PRR14L: variants seen among roughly 807,000 people sequenced by gnomAD.
The protein encoded by PRR14L is proline rich 14 like.
PRR14L carries 80 observed loss-of-function variants against 155.0 expected under a neutral mutation model. The observed-to-expected ratio is 0.52, with a 90% CI of 0.43 to 0.62. The LOEUF (loss-of-function observed/expected upper bound fraction) is 0.62. Among genes scored for constraint, PRR14L ranks in the 20% least tolerant of loss-of-function variants. PRR14L has a pLI of 0.00. For missense variants in PRR14L, 2,469 were observed against 2,548.0 expected (o/e 0.97, Z 0.67); for synonymous variants, 883 against 916.0 (o/e 0.96, Z 0.65).
At chr22:31,731,565 CAAAAAA>C (rs55727852) in intron 2 of PRR14L, among the ~76,000 whole-genome samples, 1,194 of 49,120 alleles carry the variant, frequency 0.024, 7 homozygotes, top group Middle Eastern at 0.043. Flanking sequence ...GAGACTGTCT[CAAAAAA>C]AAAAAAAAAA....
chr22:31,714,828 G>C lies in PRR14L; in HGVS notation c.3011C>G (p.Pro1004Arg). Reference protein sequence around the residue: ...SSDQRETVTEPHGEVNHNQKD... With the variant: ...SSDQRETVTERHGEVNHNQKD... Reference sequence around the variant, plus strand: ...TTGGTTGTGGTTTACCTCCCCGTGAGGCTCGGTGACAGTCTCTCTCTGGTC... The same window carrying C: ...TTGGTTGTGGTTTACCTCCCCGTGACGCTCGGTGACAGTCTCTCTCTGGTC... Residue 1004 changes from proline (P) to arginine (R), a missense_variant, in exon 4 of 9, where the codon CCT becomes CGT. Coordinates refer to ENST00000327423, the MANE Select transcript of PRR14L (RefSeq NM_173566.3). The C allele has an allele frequency of 6.4e-7, 1 of 1,552,016 alleles. No individual in the cohort carries two copies. Among genetic ancestry groups the C allele is most frequent in the South Asian group, 1.2e-5 (1 of 84,056 alleles).
At chr22:31,699,308 G>A (rs996664016) in intron 7 of PRR14L, among the ~76,000 whole-genome samples, 4 of 152,192 alleles carry the variant, frequency 2.6e-5, no homozygotes, top group Admixed American at 2.0e-4. Context: ...AAAGTGCTTG[G>A]ATTACAGGCG....
intron 2 of PRR14L, among the ~76,000 whole-genome samples, chr22:31,732,795 A>AT (rs1481427117): frequency 3.3e-5 from 5 of 152,316 alleles, no homozygotes; most frequent in African/African-American, 1.2e-4. Flanking sequence ...AAATCACTCC[A>AT]TATCAGTATA....
chr22:31,697,730 G>A (rs1055935298), intron 7 of PRR14L, among the ~76,000 whole-genome samples: 1 of 152,044 alleles, frequency 6.6e-6, no homozygotes, highest in Non-Finnish European at 1.5e-5. Context: ...GCTGGGCATG[G>A]TAGCACATGC....
chr22:31,684,061 C>T lies in PRR14L; in HGVS notation c.*1466G>A, dbSNP rs1214049348. On this transcript the variant is annotated 3_prime_UTR_variant, in exon 9 of 9. Transcript: ENST00000327423. The stretch of plus-strand genomic sequence containing the variant: ...CCATGGAATGTTAATTCTCTAAACT[C>T]TTGTTTTGAGAGAGAAAGAGAAACC... 1 of 152,132 alleles carries T rather than the reference C, an allele frequency of 6.6e-6. No individual in the cohort carries two copies. 9.4% of individuals were successfully genotyped at this position (152,132 alleles called of 1,614,324 possible).
At chr22:31,688,629 C>A (rs993357490) in intron 7 of PRR14L, among the ~76,000 whole-genome samples, 13 of 152,028 alleles carry the variant, frequency 8.6e-5, no homozygotes, top group Non-Finnish European at 1.5e-5. Flanking sequence ...CCCATTCATA[C>A]TTACTGGGAA....
chr22:31,740,939 C>T (rs1022978302), intron 1 of PRR14L, among the ~76,000 whole-genome samples: 4 of 150,640 alleles, frequency 2.7e-5, no homozygotes, highest in African/African-American at 9.8e-5. Flanking sequence ...GTCAGGAGTT[C>T]GAGAACAGCC....
intron 1 of PRR14L, among the ~76,000 whole-genome samples, chr22:31,740,786 G>C (rs1225728782): frequency 6.6e-6 from 1 of 152,162 alleles, no homozygotes; most frequent in African/African-American, 2.4e-5. Flanking sequence ...GAAGTGATAA[G>C]AAATTAGATT....
chr22:31,723,714 C>A (rs886966327), intron 3 of PRR14L, among the ~76,000 whole-genome samples: 1 of 152,238 alleles, frequency 6.6e-6, no homozygotes, highest in African/African-American at 2.4e-5. Context: ...TCTGCAGCAG[C>A]AGGAAGCTGG....
chr22:31,739,011 AC>A, intron 1 of PRR14L, 100 bp from the exon 2 acceptor site: 1 of 571,198 alleles, frequency 1.8e-6, no homozygotes, highest in Non-Finnish European at 3.0e-6. Context: ...AATAAGTTCT[AC>A]TTTAAATGCC....
chr22:31,712,881 C>T lies in PRR14L; in HGVS notation c.4958G>A (p.Arg1653His), dbSNP rs373218501. Residue 1653 changes from arginine (R) to histidine (H), a missense_variant, in exon 4 of 9, where the codon CGC becomes CAC. Around this residue, in one of 2 missense-constraint regions of PRR14L, gnomAD observed 2,363 missense variants for 2,371.6 expected, o/e 1.00. Transcript: ENST00000327423. ...GTCCAGGAGTCTTTTATATCTGAGG[C>T]GCTTGTAGCTTTTAGCCATTGGAAG... ...ELLPMAKSYK[R>H]LRYKRLLDGF... is the part of the protein sequence containing the mutation. The T allele has an allele frequency of 3.3e-5, 51 of 1,551,862 alleles. No homozygotes were observed. The African/African-American group carries it at 3.7e-4, about 11-fold the overall frequency.
intron 8 of PRR14L, 128 bp downstream of exon 8, chr22:31,688,027 CA>C (rs77978141): frequency 0.24 from 134,867 of 563,918 alleles, 89 homozygotes; most frequent in South Asian, 0.26. Context: ...GACTCTGTCT[CA>C]AAAAAAAAAA....
chr22:31,735,161 G>T (rs191282677), intron 2 of PRR14L, among the ~76,000 whole-genome samples: 180 of 152,216 alleles, frequency 1.2e-3, no homozygotes, highest in African/African-American at 4.2e-3. Flanking sequence ...ACAGGGTGGC[G>T]GGGCGCGGTG....
intron 3 of PRR14L, among the ~76,000 whole-genome samples, chr22:31,721,607 T>C (rs1354474631): frequency 1.3e-5 from 2 of 151,554 alleles, no homozygotes; most frequent in Non-Finnish European, 2.9e-5. Context: ...TTTAGCTAAT[T>C]GAGCAGCAGC....
intron 1 of PRR14L, among the ~76,000 whole-genome samples, chr22:31,747,670 T>C (rs1436484833): frequency 1.3e-5 from 2 of 151,866 alleles, no homozygotes; most frequent in East Asian, 1.9e-4. Context: ...AATGGTGGTA[T>C]AGAGCTCCCA....
chr22:31,703,650 A>G lies in PRR14L; in HGVS notation c.5900T>C (p.Leu1967Pro). 1 of 1,613,362 alleles carries G rather than the reference A, an allele frequency of 6.2e-7. No individual in the cohort carries two copies. The highest frequency in any genetic ancestry group is 8.5e-7 in the Non-Finnish European group (1 of 1,179,638). ...AACCTGGAACTCAGAGGCTGAAAGC[A>G]GGAGCTTGCTGACAGCTGATTCTGC... Reference protein sequence around the residue: ...LVAESAVSKLLLSASEFQVRG... With the variant: ...LVAESAVSKLPLSASEFQVRG... Residue 1967 changes from leucine (L) to proline (P), a missense_variant, in exon 6 of 9, where the codon CTG becomes CCG. Leu to Pro is a moderately conservative substitution (Grantham distance 98). This residue lies in a region of PRR14L where 2,363 missense variants were observed against 2,371.6 expected (regional missense o/e 1.00). Transcript: ENST00000327423.
chr22:31,714,008 G>A lies in PRR14L; in HGVS notation c.3831C>T (p.Cys1277=). ...GEMLCENVKD[C]TVLPEMKEIV... ...TTTCCTTCATCTCAGGAAGGACTGT[G>A]CAGTCCTTTACATTTTCACAAAGCA... The change falls in exon 4 of 9, where the codon TGC becomes TGT. Residue 1277 remains cysteine, a synonymous_variant. Coordinates refer to ENST00000327423, the MANE Select transcript of PRR14L (RefSeq NM_173566.3). 4 of 1,551,034 alleles carry A rather than the reference G, an allele frequency of 2.6e-6. No individual in the cohort carries two copies. Among genetic ancestry groups the A allele is most frequent in the Non-Finnish European group, 3.5e-6 (4 of 1,146,458 alleles).
At chr22:31,736,978 C>T (rs2074785160) in intron 2 of PRR14L, among the ~76,000 whole-genome samples, 1 of 126,582 alleles carries the variant, frequency 7.9e-6, no homozygotes, top group African/African-American at 3.0e-5. Flanking sequence ...GCGAAGGTTG[C>T]AGTGAGGCAA....
At chr22:31,708,597 G>A (rs982419307) in intron 4 of PRR14L, among the ~76,000 whole-genome samples, 2 of 151,726 alleles carry the variant, frequency 1.3e-5, no homozygotes, top group Non-Finnish European at 2.9e-5. Context: ...AAAGCGCTGG[G>A]AATACAGGCA....
Sources: allele counts gnomAD v4.1 joint callset (sites outside exome capture counted in the v4.1 genomes callset), GRCh38; gene constraint gnomAD v4.1.1; regional missense constraint gnomAD v4.1.1; transcripts MANE v1.5; gene names NCBI Gene and HGNC (gene_info 2026-07-23, HGNC 2026-07-21).